The following STARD13 variants were observed in gnomAD, a reference collection of about 807,000 sequenced individuals.
STARD13 encodes the protein stAR-related lipid transfer protein 13.
STARD13 carries 62 observed loss-of-function variants against 106.4 expected under a neutral mutation model. The observed-to-expected ratio is 0.58, with a 90% CI of 0.48 to 0.72. The LOEUF is 0.72. Among genes scored for constraint, STARD13 ranks in the 30% least tolerant of loss-of-function variants. The pLI is 0.00. For synonymous variants in STARD13, 565 were observed against 553.0 expected (o/e 1.02, Z -0.31); for missense variants, 1,387 against 1,424.0 (o/e 0.97, Z 0.42).
the STARD13 span, among the ~76,000 whole-genome samples, chr13:33,623,651 A>G: frequency 6.6e-6 from 1 of 152,144 alleles, no homozygotes; most frequent in Admixed American, 6.5e-5. Flanking sequence ...CTACCTGTCT[A>G]TATACTAAAA....
At chr13:33,416,793 C>G in the STARD13 span, among the ~76,000 whole-genome samples, 1 of 152,012 alleles carries the variant, frequency 6.6e-6, no homozygotes, top group African/African-American at 2.4e-5. Context: ...TTAGGCAAAG[C>G]CTTCTTAGAG....
chr13:33,613,757 T>C, the STARD13 span, among the ~76,000 whole-genome samples: 4 of 152,148 alleles, frequency 2.6e-5, no homozygotes, highest in Non-Finnish European at 5.9e-5. Flanking sequence ...GCCACTCGGA[T>C]AGTGACAAGC....
the STARD13 span, among the ~76,000 whole-genome samples, chr13:33,642,305 C>T: frequency 1.3e-5 from 2 of 152,188 alleles, no homozygotes; most frequent in Non-Finnish European, 2.9e-5. Flanking sequence ...GAGGTGTGAT[C>T]AGCAATGCAG....
At chr13:33,267,743 T>C (rs571990589) in intron 1 of STARD13, among the ~76,000 whole-genome samples, 2 of 152,282 alleles carry the variant, frequency 1.3e-5, no homozygotes, top group East Asian at 3.9e-4. Flanking sequence ...TGGCAAAACG[T>C]AGTTAGATTA....
the STARD13 span, among the ~76,000 whole-genome samples, chr13:33,406,439 A>G: frequency 6.6e-6 from 1 of 152,348 alleles, no homozygotes; most frequent in Non-Finnish European, 1.5e-5. Flanking sequence ...AGCTCTTGCT[A>G]TTAGGAGAAA....
the STARD13 span, among the ~76,000 whole-genome samples, chr13:33,521,512 C>T: frequency 6.6e-6 from 1 of 152,012 alleles, no homozygotes. Context: ...CAAATGGGTT[C>T]CTCTGCCACA....
chr13:33,126,891 A>G (rs1281417432), intron 6 of STARD13, among the ~76,000 whole-genome samples: 1 of 152,072 alleles, frequency 6.6e-6, no homozygotes, highest in African/African-American at 2.4e-5. Context: ...TGCTTCTGTC[A>G]ATTCCTTATT....
At chr13:33,393,744 T>G in the STARD13 span, among the ~76,000 whole-genome samples, 1 of 152,250 alleles carries the variant, frequency 6.6e-6, no homozygotes, top group Non-Finnish European at 1.5e-5. Context: ...GGGTGCATAC[T>G]ATTTGACAAA....
At chr13:33,435,168 G>A in the STARD13 span, among the ~76,000 whole-genome samples, 1 of 152,160 alleles carries the variant, frequency 6.6e-6, no homozygotes, top group Admixed American at 6.5e-5. Context: ...TTGTTAGTAG[G>A]GCAGGTTCCT....
At chr13:33,512,616 C>T in the STARD13 span, among the ~76,000 whole-genome samples, 3 of 151,948 alleles carry the variant, frequency 2.0e-5, no homozygotes, top group African/African-American at 4.8e-5. Context: ...TATAGGTGCC[C>T]GCCATCACGC....
At chr13:33,249,076 A>T (rs1889970066) in intron 1 of STARD13, among the ~76,000 whole-genome samples, 2 of 152,224 alleles carry the variant, frequency 1.3e-5, no homozygotes, top group Admixed American at 1.3e-4. Context: ...TGTTTCATGA[A>T]AAATAGGTGA....
At chr13:33,353,822 T>TGG (rs2078101955), upstream of STARD13, among the ~76,000 whole-genome samples, 3 of 102,712 alleles carry the variant, frequency 2.9e-5, no homozygotes, top group Admixed American at 3.6e-4. Context: ...CTTCCAGACA[T>TGG]TGTGTTTGTT....
chr13:33,545,024 C>G, the STARD13 span, among the ~76,000 whole-genome samples: 2 of 151,986 alleles, frequency 1.3e-5, no homozygotes, highest in Admixed American at 6.6e-5. Context: ...GGTGCGATCT[C>G]AGCTCATCAC....
At chr13:33,142,225 G>C (rs1879924847) in intron 4 of STARD13, 85 bp downstream of exon 4, 2 of 1,004,114 alleles carry the variant, frequency 2.0e-6, no homozygotes, top group Admixed American at 3.6e-5. Context: ...GTAGACACAA[G>C]GGTCTCACTA....
intron 4 of STARD13, among the ~76,000 whole-genome samples, chr13:33,135,904 C>G (rs1198326766): frequency 1.3e-5 from 2 of 152,134 alleles, no homozygotes; most frequent in Admixed American, 1.3e-4. Flanking sequence ...GAACAGATCA[C>G]CTGAGATCAG....
chr13:33,560,175 A>G, the STARD13 span, among the ~76,000 whole-genome samples: 1 of 151,578 alleles, frequency 6.6e-6, no homozygotes, highest in African/African-American at 2.4e-5. Context: ...GGCTGTCCAC[A>G]TAGCTACCCC....
the STARD13 span, among the ~76,000 whole-genome samples, chr13:33,430,160 A>G: frequency 1.4e-4 from 21 of 152,124 alleles, no homozygotes; most frequent in East Asian, 5.8e-4. Context: ...CTAGTGATCC[A>G]CCCGCCTCGG....
chr13:33,443,078 C>T, the STARD13 span, among the ~76,000 whole-genome samples: 1 of 152,004 alleles, frequency 6.6e-6, no homozygotes, highest in African/African-American at 2.4e-5. Context: ...GAACTGTACA[C>T]TTAAAAATGG....
At chr13:33,406,260 G>C in the STARD13 span, among the ~76,000 whole-genome samples, 1 of 152,176 alleles carries the variant, frequency 6.6e-6, no homozygotes, top group Non-Finnish European at 1.5e-5. Context: ...CACTGACATA[G>C]CCGAAGAACA....
Sources: allele counts gnomAD v4.1 joint callset (sites outside exome capture counted in the v4.1 genomes callset), GRCh38; gene constraint gnomAD v4.1.1; transcripts MANE v1.5; gene names NCBI Gene and HGNC (gene_info 2026-07-23, HGNC 2026-07-21).